The following POLR1A variants were observed in gnomAD, a reference collection of about 807,000 sequenced individuals.
The protein encoded by POLR1A is RNA polymerase I subunit A.
In POLR1A, 84 loss-of-function variants were observed where a neutral mutation model predicts 205.3. That is an observed-to-expected ratio of 0.41 (90% CI 0.34 to 0.49). The LOEUF is 0.49. POLR1A is among the 20% of genes least tolerant of loss of function. The pLI, the probability that POLR1A is intolerant of heterozygous loss-of-function variation, is 0.22. For missense variants in POLR1A, 1,645 were observed against 2,204.5 expected (o/e 0.75, Z 5.08); for synonymous variants, 799 against 863.7 (o/e 0.93, Z 1.31).
intron 18 of POLR1A, among the ~76,000 whole-genome samples, chr2:86,048,192 C>T (rs1672740728): frequency 6.6e-6 from 1 of 152,188 alleles, no homozygotes; most frequent in Non-Finnish European, 1.5e-5. Context: ...CAGGCTGGGC[C>T]CCAGGGCCCA....
chr2:86,097,187 C>A (rs1437462369), intron 3 of POLR1A, among the ~76,000 whole-genome samples: 1 of 117,744 alleles, frequency 8.5e-6, no homozygotes, highest in Non-Finnish European at 1.6e-5. Context: ...TTCATCTCAT[C>A]CCATTAGGAT....
intron 22 of POLR1A, among the ~76,000 whole-genome samples, chr2:86,043,469 G>A (rs1672654127): frequency 1.3e-5 from 2 of 152,182 alleles, no homozygotes; most frequent in African/African-American, 4.8e-5. Flanking sequence ...CCCTCCAGGA[G>A]CACAAGGGAG....
At chr2:86,092,135 A>G (rs1673617853) in intron 3 of POLR1A, among the ~76,000 whole-genome samples, 1 of 152,138 alleles carries the variant, frequency 6.6e-6, no homozygotes, top group Admixed American at 6.5e-5. Flanking sequence ...ATAAATAAAA[A>G]TAAATAAATA....
Position 86,077,955 on chromosome 2 carries a change from G to C in POLR1A, c.1284C>G (p.Phe428Leu). ...CTCGCTTTCCCATCATGTGTTTTCG[G>C]AACAGGCCTTCTTTCTTCTCCAGGA... is the stretch of plus-strand genomic sequence containing the variant. Reference protein sequence around the residue: ...RQILEKKEGLFRKHMMGKRVD... With the variant: ...RQILEKKEGLLRKHMMGKRVD... Residue 428 changes from phenylalanine to leucine, a missense_variant, in exon 11 of 34, where the codon TTC (phenylalanine) becomes TTG (leucine). Phe to Leu is a conservative substitution (Grantham distance 22, BLOSUM62 0). Transcript: ENST00000263857. 6.2e-7 allele frequency: 1 copy of C among 1,614,042 alleles called. No homozygotes were observed. Among genetic ancestry groups the C allele is most frequent in the Non-Finnish European group, 8.5e-7 (1 of 1,180,000 alleles).
chr2:86,033,667 C>A lies in POLR1A; in HGVS notation c.4155G>T (p.Arg1385Ser). Residue 1385 changes from arginine (R) to serine (S), a missense_variant, in exon 28 of 34, where the codon AGG (arginine) becomes AGT (serine). Physicochemically the swap from Arg to Ser is moderately radical, Grantham distance 110. Around this residue, in one of 16 missense-constraint regions of POLR1A, gnomAD observed 394 missense variants for 468.5 expected, o/e 0.84. Transcript: ENST00000263857. ...RDLDNAGELG[R>S]SRGEQEGDEE... ...CCCCCGGGGACTCACTCACCCGACTCCTCCCCAACTCCCCAGCGTTGTCCA... is the reference window on the plus strand; with the variant it reads ...CCCCCGGGGACTCACTCACCCGACTACTCCCCAACTCCCCAGCGTTGTCCA... 1 of 1,613,390 alleles carries A rather than the reference C, an allele frequency of 6.2e-7. No homozygotes were observed. Among genetic ancestry groups the A allele is most frequent in the Non-Finnish European group, 8.5e-7 (1 of 1,179,892 alleles).
intron 27 of POLR1A, among the ~76,000 whole-genome samples, chr2:86,034,586 C>T (rs1409641801): frequency 6.6e-6 from 1 of 152,112 alleles, no homozygotes; most frequent in Non-Finnish European, 1.5e-5. Flanking sequence ...CATGTAACCC[C>T]CTGCCTGTCT....
At chr2:86,078,771 G>C (rs150333717) in intron 9 of POLR1A, among the ~76,000 whole-genome samples, 1 of 152,194 alleles carries the variant, frequency 6.6e-6, no homozygotes, top group Admixed American at 6.5e-5. Context: ...TTTGCCATAC[G>C]ATATTCTATG....
chr2:86,046,732 A>G (rs1052352576), intron 19 of POLR1A, among the ~76,000 whole-genome samples: 1 of 151,994 alleles, frequency 6.6e-6, no homozygotes, highest in East Asian at 1.9e-4. Flanking sequence ...TAATCCCGAG[A>G]GGCAGGAGAA....
In POLR1A at chr2:86,054,252, T is replaced by C. The variant is rs1298692423; in HGVS notation, c.2096A>G (p.Asp699Gly). Residue 699 changes from aspartate to glycine, a missense_variant, in exon 15 of 34, where the codon GAC becomes GGC. By Grantham distance (94) the Asp-to-Gly change is moderately conservative. Around this residue, in one of 16 missense-constraint regions of POLR1A, gnomAD observed 339 missense variants for 415.1 expected, o/e 0.82. Coordinates refer to ENST00000263857, the MANE Select transcript of POLR1A (RefSeq NM_015425.6). ...STLLINIIPE[D>G]HIPLNLSGKA... ...TCCAGATAAGTTCAGTGGGATGTGGTCCTCTGGGATTATATTTATGAGCAG... is the reference window on the plus strand; with the variant it reads ...TCCAGATAAGTTCAGTGGGATGTGGCCCTCTGGGATTATATTTATGAGCAG... 1 of 1,613,872 alleles carries C rather than the reference T, an allele frequency of 6.2e-7. No homozygotes were observed. Among genetic ancestry groups the C allele is most frequent in the Non-Finnish European group, 8.5e-7 (1 of 1,179,928 alleles).
chr2:86,053,378 G>A (rs559448129), intron 15 of POLR1A, among the ~76,000 whole-genome samples: 1 of 152,068 alleles, frequency 6.6e-6, no homozygotes, highest in Non-Finnish European at 1.5e-5. Flanking sequence ...GGACATGGGA[G>A]CTTCTAGTTA....
intron 28 of POLR1A, among the ~76,000 whole-genome samples, chr2:86,032,638 T>G (rs974763525): frequency 6.6e-6 from 1 of 152,046 alleles, no homozygotes; most frequent in Non-Finnish European, 1.5e-5. Flanking sequence ...CAAAGTTTCA[T>G]TCCCAAAAAT....
chr2:86,027,622 GTGGGT>G, intron 33 of POLR1A, 99 bp from the exon 34 acceptor site: 3 of 1,104,406 alleles, frequency 2.7e-6, no homozygotes, highest in Non-Finnish European at 4.1e-6. Flanking sequence ...CGGGACTCAG[GTGGGT>G]CCTGAGTCTC....
At chr2:86,072,422 G>C (rs1673196230) in intron 12 of POLR1A, among the ~76,000 whole-genome samples, 1 of 152,244 alleles carries the variant, frequency 6.6e-6, no homozygotes, top group Admixed American at 6.5e-5. Flanking sequence ...CCTAGGATTT[G>C]AGTCTTGCAA....
chr2:86,082,629 C>T, intron 7 of POLR1A, among the ~76,000 whole-genome samples: 1 of 151,844 alleles, frequency 6.6e-6, no homozygotes, highest in South Asian at 2.1e-4. Context: ...CCACAACATA[C>T]TCTCACAAGG....
rs1264139157 is a variant in POLR1A, at chr2:86,028,576, T to C, written c.4897+18A>G. On this transcript the variant is annotated intron_variant, in intron 32 of 33. Transcript: ENST00000263857. This position sits in a 1 kb window ranked among gnomAD's most constrained non-coding sequence, Gnocchi z 4.5. ...CTGGTGCCCAGACCTCGGGGTGTTA[T>C]CTGCAAGCTCCCCTTACCATACACG... 1.9e-6 allele frequency: 3 copies of C among 1,586,774 alleles called. No homozygotes were observed. The highest frequency in any genetic ancestry group is 1.1e-5 in the South Asian group (1 of 90,576).
rs745519138 is a variant in POLR1A, at chr2:86,070,060, G to T, written c.1824C>A (p.Ala608=). 17 of 1,613,934 alleles carry T rather than the reference G, an allele frequency of 1.1e-5. No homozygotes were observed. The highest frequency in any genetic ancestry group is 1.6e-4 in the Middle Eastern group (1 of 6,078). ...FPQSELGRAE[A]YVLACTDQQY... is the part of the protein sequence containing the mutation. ...GCTGATCAGTGCAGGCCAGGACGTA[G>T]GCCTCGGCCCGGCCCAGCTCACTCT... is the stretch of plus-strand genomic sequence containing the variant. The change falls in exon 13 of 34, where the codon GCC becomes GCA. Residue 608 remains alanine, a synonymous_variant. Coordinates refer to ENST00000263857, the MANE Select transcript of POLR1A (RefSeq NM_015425.6). The surrounding 1 kb of genome is among the most constrained non-coding windows in gnomAD (Gnocchi z 4.4).
chr2:86,084,665 CTTTTTTT>C (rs546893329), intron 6 of POLR1A, among the ~76,000 whole-genome samples: 2 of 127,622 alleles, frequency 1.6e-5, no homozygotes, highest in African/African-American at 5.6e-5. Flanking sequence ...TTGCCTTTTC[CTTTTTTT>C]TTTTTTTTTT....
At chr2:86,097,815 T>C (rs1274676747) in intron 3 of POLR1A, among the ~76,000 whole-genome samples, 1 of 152,212 alleles carries the variant, frequency 6.6e-6, no homozygotes, top group Non-Finnish European at 1.5e-5. Context: ...GAATAAATTC[T>C]AGTGTTCTAC....
chr2:86,051,677 A>G (rs897054787), intron 16 of POLR1A, among the ~76,000 whole-genome samples: 1 of 152,246 alleles, frequency 6.6e-6, no homozygotes. Context: ...ATGGAGGTGC[A>G]GTGTCCTCCA....
Sources: allele counts gnomAD v4.1 joint callset (sites outside exome capture counted in the v4.1 genomes callset), GRCh38; gene constraint gnomAD v4.1.1; regional missense constraint gnomAD v4.1.1; non-coding constraint Gnocchi (gnomAD v3.1); transcripts MANE v1.5; gene names NCBI Gene and HGNC (gene_info 2026-07-23, HGNC 2026-07-21).